The following PML variants were observed in gnomAD, a reference collection of about 807,000 sequenced individuals.
PML encodes the protein PML nuclear body scaffold, also known as protein PML.
PML carries 28 observed loss-of-function variants against 65.2 expected under a neutral mutation model. That is an observed-to-expected ratio of 0.43 (90% CI 0.32 to 0.59). The LOEUF (loss-of-function observed/expected upper bound fraction) is 0.59, where lower values mean the gene tolerates loss of function less well. Among genes scored for constraint, PML ranks in the 20% least tolerant of loss-of-function variants. PML has a pLI of 0.08. For missense variants in PML, 1,021 were observed against 1,203.4 expected (o/e 0.85, Z 2.24); for synonymous variants, 500 against 508.8 (o/e 0.98, Z 0.23).
chr15:74,032,297 T>C (rs2071355851), intron 4 of PML: 1 of 502,146 alleles, frequency 2.0e-6, no homozygotes, highest in African/African-American at 1.9e-5. Context: ...TCTGGGAGAC[T>C]GAAACAGGAG....
intron 3 of PML, among the ~76,000 whole-genome samples, chr15:74,023,774 C>T (rs1595902804): frequency 6.6e-6 from 1 of 152,292 alleles, no homozygotes; most frequent in Middle Eastern, 3.4e-3. Context: ...ACCGGTGTCT[C>T]GGAACAGAGA....
In PML at chr15:74,047,596, T is replaced by C. The variant is rs980987844; in HGVS notation, c.*2588T>C. On this transcript the variant is annotated 3_prime_UTR_variant, in exon 9 of 9. Transcript: ENST00000268058. ...TCACTTAGTAGTCTGTGGCCCTCTT[T>C]GGCACATTAACCTCCCTCCTTGATC... 2.3e-5 allele frequency: 5 copies of C among 213,542 alleles called. No individual in the cohort carries two copies. The South Asian group carries it at 9.4e-4, about 40-fold the overall frequency. The allele number at this position is 213,542 out of a possible 1,614,324, so 13.2% of individuals were successfully genotyped here. A position where few individuals can be genotyped will look rare whatever the true frequency, so the allele number is the denominator to read the frequency against.
chr15:74,014,748 C>T (rs374049675), intron 2 of PML, among the ~76,000 whole-genome samples: 17 of 151,292 alleles, frequency 1.1e-4, no homozygotes, highest in African/African-American at 2.4e-4. Context: ...GGTGGCAGAG[C>T]GAGACTCTTT....
At chr15:74,036,295 C>T (rs2071558159) in intron 7 of PML, 4 of 1,455,134 alleles carry the variant, frequency 2.7e-6, no homozygotes, top group Non-Finnish European at 2.7e-6. Context: ...CCAAGCCTCT[C>T]CACTAGGCCT....
chr15:74,010,209 T>TTC (rs1219066628), intron 2 of PML, among the ~76,000 whole-genome samples: 1 of 115,418 alleles, frequency 8.7e-6, no homozygotes, highest in African/African-American at 3.1e-5. Flanking sequence ...TTTTTTTTTT[T>TTC]TTTTGTAGAG....
In PML at chr15:74,037,433, C is replaced by G. The variant is rs1390675862; in HGVS notation, c.1710+2903C>G. 2.7e-5 allele frequency: 27 copies of G among 985,402 alleles called. No individual in the cohort carries two copies. The highest frequency in any genetic ancestry group is 3.1e-5 in the Non-Finnish European group (26 of 829,928). 61.0% of individuals were successfully genotyped at this position (985,402 alleles called of 1,614,324 possible). The stretch of plus-strand genomic sequence containing the variant: ...TCACTCCTCCTCCTCATCTCTCTTG[C>G]ATCTTCTAATGTATCCACTGCCTTC... On this transcript the variant is annotated intron_variant, in intron 7 of 8. Coordinates refer to ENST00000268058, the MANE Select transcript of PML (RefSeq NM_033238.3). The surrounding 1 kb of genome is among the most constrained non-coding windows in gnomAD (Gnocchi z 4.2).
chr15:74,010,585 CTA>C (rs1047635653), intron 2 of PML, among the ~76,000 whole-genome samples: 7 of 150,362 alleles, frequency 4.7e-5, no homozygotes, highest in African/African-American at 1.7e-4. Flanking sequence ...AAATTAAAAA[CTA>C]TTAATAGAAC....
chr15:74,003,499 A>G (rs1185447966), intron 2 of PML, among the ~76,000 whole-genome samples: 4 of 152,230 alleles, frequency 2.6e-5, no homozygotes, highest in East Asian at 1.9e-4. Flanking sequence ...TATCTCATCT[A>G]TCACCACAAA....
chr15:74,022,224 T>C (rs961297575), intron 2 of PML, among the ~76,000 whole-genome samples: 3 of 152,254 alleles, frequency 2.0e-5, no homozygotes, highest in Non-Finnish European at 4.4e-5. Context: ...CCCAAAGTGC[T>C]GGGATTACAG....
intron 2 of PML, among the ~76,000 whole-genome samples, chr15:74,012,001 A>G (rs1029595377): frequency 5.3e-5 from 8 of 152,252 alleles, no homozygotes; most frequent in Admixed American, 1.3e-4. Context: ...GTGTATCTTA[A>G]GTAAGCATGC....
chr15:74,039,774 G>A (rs940474415), intron 7 of PML, among the ~76,000 whole-genome samples: 1 of 152,216 alleles, frequency 6.6e-6, no homozygotes, highest in African/African-American at 2.4e-5. Flanking sequence ...CTGTGGTAGA[G>A]GAATGCTGCT....
chr15:74,033,584 C>G (rs1336074407), intron 6 of PML, 170 bp downstream of exon 6: 3 of 773,554 alleles, frequency 3.9e-6, no homozygotes, highest in Non-Finnish European at 6.7e-6. Flanking sequence ...AGAGTGGACA[C>G]AGTTTACCAT....
chr15:74,000,703 G>C (rs2069721685), intron 2 of PML, among the ~76,000 whole-genome samples: 1 of 152,066 alleles, frequency 6.6e-6, no homozygotes, highest in African/African-American at 2.4e-5. Flanking sequence ...TTTTGAATTT[G>C]TATATTTTTT....
chr15:74,033,868 A>G (rs1246443391), intron 6 of PML: 3 of 471,564 alleles, frequency 6.4e-6, no homozygotes, highest in Non-Finnish European at 1.1e-5. Context: ...CATTTGTCAG[A>G]GTTATCTTCT....
intron 4 of PML, 75 bp downstream of exon 4, chr15:74,025,002 CTGTGTG>C: frequency 8.3e-6 from 8 of 969,410 alleles, no homozygotes; most frequent in South Asian, 1.3e-5. Context: ...CCTGCTGTCC[CTGTGTG>C]TGCAGGGAGA....
intron 6 of PML, 29 bp from the exon 7 acceptor site, chr15:74,034,449 C>T (rs374673747): frequency 1.6e-5 from 26 of 1,614,144 alleles, no homozygotes; most frequent in Non-Finnish European, 2.2e-5. Context: ...CTAGGCAGTT[C>T]ATAATGCATC....
rs1567141037 is a variant in PML at position 74,042,421 on chromosome 15, G to C, written c.1711-568G>C. ...CGGGGACAAGAAAAGGCAGGCTCCC[G>C]ACCCCTTCCAAAGAATCATCTGGGG... On this transcript the variant is annotated intron_variant, in intron 7 of 8. Coordinates refer to ENST00000268058, the MANE Select transcript of PML (RefSeq NM_033238.3). The surrounding 1 kb of genome is among the most constrained non-coding windows in gnomAD (Gnocchi z 5.3). The C allele has an allele frequency of 2.0e-6, 2 of 985,266 alleles. No individual in the cohort carries two copies. Among genetic ancestry groups the C allele is most frequent in the Non-Finnish European group, 2.4e-6 (2 of 829,910 alleles). The allele number at this position is 985,266 out of a possible 1,614,324, so 61.0% of individuals were successfully genotyped here. A position where few individuals can be genotyped will look rare whatever the true frequency, so the allele number is the denominator to read the frequency against.
chr15:74,047,473 T>C lies in PML; in HGVS notation c.*2465T>C, dbSNP rs2071782492. On this transcript the variant is annotated 3_prime_UTR_variant, in exon 9 of 9. Coordinates refer to ENST00000268058, the MANE Select transcript of PML (RefSeq NM_033238.3). ...TGACCAAGAAGATCCAGTCCCAATATGTCACCTGTGCTTCATCTTTGGACT... is the reference window on the plus strand; with the variant it reads ...TGACCAAGAAGATCCAGTCCCAATACGTCACCTGTGCTTCATCTTTGGACT... 8.8e-6 allele frequency: 2 copies of C among 226,230 alleles called. No homozygotes were observed. Among genetic ancestry groups the C allele is most frequent in the Non-Finnish European group, 1.8e-5 (2 of 113,668 alleles). The allele number at this position is 226,230 out of a possible 1,614,324, so 14.0% of individuals were successfully genotyped here.
At chr15:74,034,750 A>G in intron 7 of PML, 2 of 1,480,644 alleles carry the variant, frequency 1.4e-6, no homozygotes, top group South Asian at 2.7e-5. Flanking sequence ...AGCTCTTCTG[A>G]AATGCTGATA....
Sources: allele counts gnomAD v4.1 joint callset (sites outside exome capture counted in the v4.1 genomes callset), GRCh38; gene constraint gnomAD v4.1.1; non-coding constraint Gnocchi (gnomAD v3.1); transcripts MANE v1.5; gene names NCBI Gene and HGNC (gene_info 2026-07-23, HGNC 2026-07-21).